STK24: variants seen among roughly 807,000 people sequenced by gnomAD.
STK24 encodes the protein serine/threonine-protein kinase 24.
A neutral mutation model predicts 55.6 loss-of-function variants in STK24; 21 were observed. The observed-to-expected ratio is 0.38, with a 90% CI of 0.27 to 0.54. The LOEUF is 0.54. Ranked by LOEUF, STK24 falls within the 20% of genes least tolerant of loss-of-function variation. The probability of loss-of-function intolerance (pLI) is 0.79; values close to 1 mark genes in which losing one functional copy is unlikely to be tolerated. For synonymous variants in STK24, 200 were observed against 215.2 expected (o/e 0.93, Z 0.62); for missense variants, 383 against 538.4 (o/e 0.71, Z 2.86).
intron 1 of STK24, among the ~76,000 whole-genome samples, chr13:98,531,458 C>T (rs1409539046): frequency 6.6e-6 from 1 of 152,168 alleles, no homozygotes; most frequent in African/African-American, 2.4e-5. Context: ...TGGCCTCCTC[C>T]ATTGCCCTGG....
chr13:98,460,137 G>C (rs1893638732), intron 9 of STK24, among the ~76,000 whole-genome samples: 1 of 152,224 alleles, frequency 6.6e-6, no homozygotes, highest in South Asian at 2.1e-4. Context: ...TCTCGGGCTG[G>C]GTCACTGTCA....
chr13:98,534,612 T>A (rs1000443977), intron 1 of STK24, among the ~76,000 whole-genome samples: 1 of 152,138 alleles, frequency 6.6e-6, no homozygotes, highest in Non-Finnish European at 1.5e-5. Context: ...ATCACTGTTG[T>A]AAAAACTAAG....
chr13:98,559,022 AAAAAAAAAAAT>A, intron 1 of STK24, among the ~76,000 whole-genome samples: 1 of 149,756 alleles, frequency 6.7e-6, no homozygotes, highest in Non-Finnish European at 1.5e-5. Context: ...AAAAAAAAAA[AAAAAAAAAAAT>A]ACAAAATTAG....
chr13:98,474,615 G>A (rs1369032996), intron 5 of STK24, among the ~76,000 whole-genome samples: 2 of 152,158 alleles, frequency 1.3e-5, no homozygotes. Flanking sequence ...CTCGATCATG[G>A]TGGGCTGGAT....
intron 2 of STK24, among the ~76,000 whole-genome samples, chr13:98,510,316 T>C (rs1359079353): frequency 1.3e-5 from 2 of 152,190 alleles, no homozygotes; most frequent in South Asian, 2.1e-4. Flanking sequence ...ATCACCCACA[T>C]CCAGCTGCCT....
intron 1 of STK24, among the ~76,000 whole-genome samples, chr13:98,559,002 TAAAAAA>T (rs60756124): frequency 4.6e-5 from 2 of 43,030 alleles, no homozygotes; most frequent in East Asian, 8.1e-4. Context: ...CTGTCTCTAC[TAAAAAA>T]AAAAAAAAAA....
chr13:98,475,927 T>A (rs1894353689), intron 3 of STK24, among the ~76,000 whole-genome samples: 1 of 152,200 alleles, frequency 6.6e-6, no homozygotes, highest in Non-Finnish European at 1.5e-5. Flanking sequence ...GATATCCTTG[T>A]ATTAGAATTT....
At chr13:98,484,660 C>A (rs1030416585) in intron 2 of STK24, among the ~76,000 whole-genome samples, 1 of 152,176 alleles carries the variant, frequency 6.6e-6, no homozygotes, top group Non-Finnish European at 1.5e-5. Flanking sequence ...TCACCACTTG[C>A]CAAGCAAACA....
At position 98,450,411 on chromosome 13, in the gene STK24, A is replaced by ACTT. The variant is rs1250833459; in HGVS notation, c.*2759_*2761dup. ...TGCTACATACAGAACCAAACCAGCC[A>ACTT]CTTCACAAGAGCAATGCAGGGATAA... On this transcript the variant is annotated 3_prime_UTR_variant, in exon 11 of 11. Transcript: ENST00000539966. 4.5e-4 allele frequency: 68 copies of ACTT among 152,140 alleles called. 2 individuals carry two copies. The highest frequency in any genetic ancestry group is 2.9e-5 in the Non-Finnish European group (2 of 67,996). The allele number at this position is 152,140 out of a possible 1,614,324, so 9.4% of individuals were successfully genotyped here. A position where few individuals can be genotyped will look rare whatever the true frequency, so the allele number is the denominator to read the frequency against.
rs1270923974 is a variant in STK24, at chr13:98,519,248, G to T, written c.268C>A (p.Leu90Met). ...CACGTTATTTTAAGCCTTACCTTCA[G>T]ATAGGATCCATAATATTTGGTTACA... ...PYVTKYYGSY[L>M]KDTKLWIIME... The change falls in exon 2 of 11, where the codon CTG becomes ATG. Residue 90 changes from leucine to methionine, a missense_variant. Transcript: ENST00000539966. The T allele has an allele frequency of 6.2e-7, 1 of 1,613,506 alleles. No individual in the cohort carries two copies. Among genetic ancestry groups the T allele is most frequent in the Non-Finnish European group, 8.5e-7 (1 of 1,179,576 alleles).
At chr13:98,460,508 C>A in intron 8 of STK24, 68 bp from the exon 9 acceptor site, 1 of 1,312,694 alleles carries the variant, frequency 7.6e-7, no homozygotes, top group Admixed American at 1.8e-5. Context: ...ATTTAATAAA[C>A]CTCCCACCTG....
At chr13:98,503,083 A>AG (rs1425360177) in intron 2 of STK24, among the ~76,000 whole-genome samples, 1 of 141,532 alleles carries the variant, frequency 7.1e-6, no homozygotes, top group Admixed American at 7.3e-5. Context: ...AATGTGCTCT[A>AG]GGGGCTCCAG....
At chr13:98,463,625 A>G in intron 7 of STK24, 66 bp downstream of exon 7, 1 of 1,510,906 alleles carries the variant, frequency 6.6e-7, no homozygotes, top group Non-Finnish European at 8.8e-7. Flanking sequence ...AACCCACACC[A>G]AACAGTGACA....
intron 5 of STK24, among the ~76,000 whole-genome samples, chr13:98,471,242 G>A (rs1452909157): frequency 2.6e-5 from 4 of 152,050 alleles, no homozygotes; most frequent in East Asian, 1.9e-4. Flanking sequence ...GCAGCCCATC[G>A]GCTCATCCCA....
At chr13:98,505,887 A>C (rs1329705957) in intron 2 of STK24, among the ~76,000 whole-genome samples, 2 of 152,252 alleles carry the variant, frequency 1.3e-5, no homozygotes, top group Non-Finnish European at 2.9e-5. Flanking sequence ...AATGTGAATA[A>C]TGGAAATCAG....
chr13:98,531,729 C>A (rs1429372083), intron 1 of STK24, among the ~76,000 whole-genome samples: 8 of 152,188 alleles, frequency 5.3e-5, no homozygotes, highest in Non-Finnish European at 1.0e-4. Flanking sequence ...CCTCACTCGA[C>A]CTTCACCCTT....
At chr13:98,507,169 T>C (rs983254049) in intron 2 of STK24, among the ~76,000 whole-genome samples, 8 of 152,212 alleles carry the variant, frequency 5.3e-5, no homozygotes, top group African/African-American at 1.9e-4. Context: ...TGAATAAATA[T>C]CTGAAATACC....
At chr13:98,539,825 T>A (rs1896837357) in intron 1 of STK24, among the ~76,000 whole-genome samples, 1 of 152,114 alleles carries the variant, frequency 6.6e-6, no homozygotes, top group African/African-American at 2.4e-5. Flanking sequence ...CCAGAGAGTC[T>A]CCAAGGGGAA....
chr13:98,554,539 TTTA>T (rs1897238560), intron 1 of STK24, among the ~76,000 whole-genome samples: 1 of 152,162 alleles, frequency 6.6e-6, no homozygotes, highest in Non-Finnish European at 1.5e-5. Context: ...AACCTGGCAT[TTTA>T]GGCCAGCTGC....
Sources: allele counts gnomAD v4.1 joint callset (sites outside exome capture counted in the v4.1 genomes callset), GRCh38; gene constraint gnomAD v4.1.1; transcripts MANE v1.5; gene names NCBI Gene and HGNC (gene_info 2026-07-23, HGNC 2026-07-21).